COMMD1: variants seen among roughly 807,000 people sequenced by gnomAD.
COMMD1 encodes copper metabolism domain containing 1.
COMMD1 carries 10 observed loss-of-function variants against 17.2 expected under a neutral mutation model. The observed-to-expected ratio is 0.58, with a 90% CI of 0.36 to 0.99. The LOEUF (loss-of-function observed/expected upper bound fraction) is 0.99, where lower values mean the gene tolerates loss of function less well. Ranked by LOEUF, COMMD1 falls within the 50% of genes least tolerant of loss-of-function variation. The pLI is 0.01. For missense variants in COMMD1, 270 were observed against 231.8 expected (o/e 1.17, Z -1.07); for synonymous variants, 97 against 91.6 (o/e 1.06, Z -0.34).
chr2:62,038,747 C>T (rs1374770190), intron 2 of COMMD1, among the ~76,000 whole-genome samples: 1 of 152,130 alleles, frequency 6.6e-6, no homozygotes, highest in East Asian at 1.9e-4. Flanking sequence ...CGGGGTTTCA[C>T]CATGTTGCCC....
chr2:62,118,190 G>A (rs969487444), intron 2 of COMMD1: 1 of 152,168 alleles, frequency 6.6e-6, no homozygotes, highest in East Asian at 1.9e-4. Context: ...TGGGTTAGAT[G>A]GGCAAATTCT....
intron 1 of COMMD1, among the ~76,000 whole-genome samples, chr2:61,926,832 A>G (rs1393674195): frequency 1.3e-5 from 2 of 151,904 alleles, no homozygotes; most frequent in Non-Finnish European, 2.9e-5. Flanking sequence ...TTAAATACCA[A>G]AGTTCACAAA....
chr2:61,924,809 C>G (rs72821340), intron 1 of COMMD1, among the ~76,000 whole-genome samples: 1 of 152,168 alleles, frequency 6.6e-6, no homozygotes, highest in African/African-American at 2.4e-5. Flanking sequence ...ATTGAGATCA[C>G]GGAATGGAGG....
intron 1 of COMMD1, among the ~76,000 whole-genome samples, chr2:61,958,647 C>T (rs772692016): frequency 4.6e-5 from 7 of 152,084 alleles, no homozygotes; most frequent in Non-Finnish European, 7.3e-5. Flanking sequence ...ACAATTCTAC[C>T]ATAGATTTTC....
chr2:61,905,944 C>T, intron 1 of COMMD1, 86 bp downstream of exon 1: 1 of 1,352,226 alleles, frequency 7.4e-7, no homozygotes, highest in Non-Finnish European at 1.1e-6. Context: ...CTTCCCCTGT[C>T]CTCACAAGCC....
intron 2 of COMMD1, among the ~76,000 whole-genome samples, chr2:62,077,931 G>A (rs1259952266): frequency 6.6e-6 from 1 of 152,054 alleles, no homozygotes; most frequent in East Asian, 1.9e-4. Context: ...ACAATTGGTT[G>A]AGTTTATATA....
intron 2 of COMMD1, among the ~76,000 whole-genome samples, chr2:62,098,283 C>G (rs13415741): frequency 2.6e-4 from 39 of 151,862 alleles, no homozygotes; most frequent in African/African-American, 8.0e-4. Flanking sequence ...CTCAGCCTCC[C>G]GAGTAGCTGG....
chr2:62,093,037 C>T (rs540186282), intron 2 of COMMD1, among the ~76,000 whole-genome samples: 4 of 152,152 alleles, frequency 2.6e-5, no homozygotes, highest in Non-Finnish European at 5.9e-5. Context: ...GATTGAACAA[C>T]TTGTCCAGTA....
intron 1 of COMMD1, among the ~76,000 whole-genome samples, chr2:61,898,278 C>T (rs554597009): frequency 1.6e-4 from 24 of 152,196 alleles, no homozygotes; most frequent in Middle Eastern, 3.4e-3. Context: ...GAGGTGGAGA[C>T]CAGACTGGGC....
At chr2:62,037,910 AACATAT>A (rs1256945277) in intron 2 of COMMD1, among the ~76,000 whole-genome samples, 1 of 152,198 alleles carries the variant, frequency 6.6e-6, no homozygotes, top group Non-Finnish European at 1.5e-5. Flanking sequence ...TAAGTCACTT[AACATAT>A]TTTTCTCAGT....
intron 2 of COMMD1, among the ~76,000 whole-genome samples, chr2:62,134,245 C>T (rs989399140): frequency 1.9e-4 from 29 of 152,142 alleles, no homozygotes; most frequent in African/African-American, 6.5e-4. Flanking sequence ...CTGGTATATT[C>T]TGATACTTTT....
At chr2:61,888,961 G>C (rs1261116821) in intron 1 of COMMD1, 1 of 150,106 alleles carries the variant, frequency 6.7e-6, no homozygotes, top group Admixed American at 6.7e-5. Flanking sequence ...CTGGAGTGCA[G>C]TGGCGCAAAA....
chr2:62,082,524 T>C (rs1671552967), intron 2 of COMMD1, among the ~76,000 whole-genome samples: 1 of 152,184 alleles, frequency 6.6e-6, no homozygotes, highest in African/African-American at 2.4e-5. Context: ...ATTTCTTCAC[T>C]TTCTATTCCT....
Position 62,079,524 on chromosome 2 carries a change from A to T in COMMD1, c.463-56307A>T, listed in dbSNP as rs539998781. The stretch of plus-strand genomic sequence containing the variant: ...AACATCTAGAGGCTAGATGCTGGGA[A>T]GGCAGCCCAGCAAGTCCCAGCCTCA... On this transcript the variant is annotated intron_variant, in intron 2 of 2. Coordinates refer to ENST00000311832, the MANE Select transcript of COMMD1 (RefSeq NM_152516.4). Among the ~76,000 whole-genome samples, 122 of 152,312 alleles carry T rather than the reference A, an allele frequency of 8.0e-4. 2 individuals are homozygous for T. The highest frequency in any genetic ancestry group is 2.6e-3 in the African/African-American group (109 of 41,566).
At chr2:62,128,995 A>G (rs1672957731) in intron 2 of COMMD1, among the ~76,000 whole-genome samples, 1 of 152,054 alleles carries the variant, frequency 6.6e-6, no homozygotes, top group South Asian at 2.1e-4. Flanking sequence ...AATAGAAAAT[A>G]TCAAATATTG....
intron 1 of COMMD1, among the ~76,000 whole-genome samples, chr2:61,915,441 A>T (rs1466474914): frequency 1.3e-5 from 2 of 150,404 alleles, no homozygotes; most frequent in South Asian, 2.1e-4. Flanking sequence ...CCACTTTTTG[A>T]TTGACTTCCT....
At chr2:61,981,033 C>G (rs1355706886) in intron 1 of COMMD1, among the ~76,000 whole-genome samples, 1 of 152,062 alleles carries the variant, frequency 6.6e-6, no homozygotes, top group Non-Finnish European at 1.5e-5. Flanking sequence ...GTTTGAGCCC[C>G]TTTTATCCTG....
At chr2:62,022,214 A>G (rs903665100) in intron 2 of COMMD1, among the ~76,000 whole-genome samples, 4 of 152,128 alleles carry the variant, frequency 2.6e-5, no homozygotes, top group African/African-American at 7.2e-5. Context: ...GTTCTTATAC[A>G]TTGAGGGCAG....
rs528401691 is a variant in COMMD1, at chr2:61,921,863, C to T, written c.180+16005C>T. Among the ~76,000 whole-genome samples the T allele has an allele frequency of 1.1e-4, 17 of 152,280 alleles. 1 individual carries two copies. In the East Asian group the frequency reaches 3.1e-3, roughly 28 times the overall value. ...TCTCTAAGAAACAGCCATTGTGTTT[C>T]TTAGAGGTGCAAACTGGAAGATTGG... On this transcript the variant is annotated intron_variant, in intron 1 of 2. Transcript: ENST00000311832.
Sources: gnomAD v4.1 joint callset for allele counts (sites outside exome capture counted in the v4.1 genomes callset) on GRCh38, gnomAD v4.1.1 for gene constraint, MANE v1.5 for transcripts, NCBI Gene and HGNC (gene_info 2026-07-23, HGNC 2026-07-21) for gene names.